The following LRCH2 variants were observed in gnomAD, a reference collection of about 807,000 sequenced individuals.
LRCH2 encodes the protein leucine-rich repeat and calponin homology domain-containing protein 2.
LRCH2 carries 38 observed loss-of-function variants against 68.9 expected under a neutral mutation model. That is an observed-to-expected ratio of 0.55 (90% confidence interval 0.43 to 0.72). The LOEUF is 0.72. Ranked by LOEUF, LRCH2 falls within the 30% of genes least tolerant of loss-of-function variation. The pLI is 0.00. For missense variants in LRCH2, 528 were observed against 572.9 expected (o/e 0.92, Z 0.80); for synonymous variants, 191 against 208.1 (o/e 0.92, Z 0.71).
rs2072476683 is a variant in LRCH2, at chrX:115,156,615, C to G, written c.1516G>C (p.Glu506Gln). 2 of 1,138,543 alleles carry G rather than the reference C, an allele frequency of 1.8e-6. No individual in the cohort carries two copies. Among genetic ancestry groups the G allele is most frequent in the South Asian group, 4.2e-5 (2 of 47,900 alleles). The allele number at this position is 1,138,543 out of a possible 1,213,427, so 93.8% of individuals were successfully genotyped here. Residue 506 changes from glutamate to glutamine, a missense_variant, in exon 12 of 21, where the codon GAA (glutamate) becomes CAA (glutamine). Transcript: ENST00000317135. ...VMRNKPKQTV[E>Q]CEKSVSADEV... ...ATATTTTTATACCTCTTTTCACATT[C>G]CACAGTTTGTTTTGGCTTGTTTCTC... is the stretch of plus-strand genomic sequence containing the variant.
At chrX:115,175,945 A>G (rs2072643290) in intron 5 of LRCH2, among the ~76,000 whole-genome samples, 1 of 111,946 alleles carries the variant, frequency 8.9e-6, no homozygotes, top group African/African-American at 3.3e-5. Context: ...GGTCAGTCAG[A>G]AGTATAGGTG....
intron 1 of LRCH2, among the ~76,000 whole-genome samples, chrX:115,206,914 T>C (rs1556568422): frequency 9.6e-6 from 1 of 104,667 alleles, no homozygotes; most frequent in African/African-American, 3.5e-5. Flanking sequence ...GAAAGAAAAA[T>C]GGGAAATAAC....
chrX:115,180,996 T>C (rs2072687258), intron 3 of LRCH2, among the ~76,000 whole-genome samples: 3 of 111,459 alleles, frequency 2.7e-5, no homozygotes, highest in African/African-American at 9.8e-5. Context: ...ATGGCTATGC[T>C]CGCAATAGTG....
At chrX:115,197,847 T>TCTCTCTCTCTCTCTCTCTCTCTCACACA (rs782358260) in intron 1 of LRCH2, among the ~76,000 whole-genome samples, 1 of 20,569 alleles carries the variant, frequency 4.9e-5, no homozygotes, top group African/African-American at 1.9e-4. Flanking sequence ...TCTCTCTCTC[T>TCTCTCTCTCTCTCTCTCTCTCTCACACA]CACACACACA....
At chrX:115,199,454 T>G (rs931961477) in intron 1 of LRCH2, among the ~76,000 whole-genome samples, 1 of 112,163 alleles carries the variant, frequency 8.9e-6, no homozygotes, top group African/African-American at 3.2e-5. Flanking sequence ...AGTAAAGGAA[T>G]AGAAAGACAG....
chrX:115,154,914 A>G (rs782752801), intron 12 of LRCH2, among the ~76,000 whole-genome samples: 1 of 108,316 alleles, frequency 9.2e-6, no homozygotes, highest in South Asian at 4.1e-4. Flanking sequence ...TAATCCCAGC[A>G]TTTTGGGAGG....
At chrX:115,219,195 C>T (rs924297310) in intron 1 of LRCH2, among the ~76,000 whole-genome samples, 1 of 111,513 alleles carries the variant, frequency 9.0e-6, no homozygotes, top group Admixed American at 9.5e-5. Context: ...CAAGTGCAGG[C>T]CACTGTACTA....
chrX:115,208,657 T>C (rs1170641148), intron 1 of LRCH2, among the ~76,000 whole-genome samples: 2 of 111,983 alleles, frequency 1.8e-5, no homozygotes, highest in Non-Finnish European at 3.8e-5. Flanking sequence ...CTGGCTACCA[T>C]TTCTGCCAAA....
chrX:115,191,467 T>C (rs2072818938), intron 1 of LRCH2: 2 of 1,143,652 alleles, frequency 1.7e-6, no homozygotes, highest in African/African-American at 3.8e-5. Flanking sequence ...CCGAGGCCGC[T>C]TGCTCGATGC....
intron 1 of LRCH2, among the ~76,000 whole-genome samples, chrX:115,209,431 C>T (rs2072991311): frequency 8.9e-6 from 1 of 112,131 alleles, no homozygotes; most frequent in Non-Finnish European, 1.9e-5. Flanking sequence ...CCTGCACAAG[C>T]TCTATTCTCT....
At chrX:115,222,047 G>C (rs782772134) in intron 1 of LRCH2, among the ~76,000 whole-genome samples, 1 of 111,452 alleles carries the variant, frequency 9.0e-6, no homozygotes, top group Non-Finnish European at 1.9e-5. Flanking sequence ...GAGGCAGTAT[G>C]AGACTAAACT....
chrX:115,135,619 G>C (rs1390440708), intron 14 of LRCH2, among the ~76,000 whole-genome samples: 2 of 112,039 alleles, frequency 1.8e-5, no homozygotes, highest in African/African-American at 6.5e-5. Context: ...ACCCTTATTT[G>C]ATAAAGCAGT....
At chrX:115,207,287 CCAA>C (rs1183825751) in intron 1 of LRCH2, among the ~76,000 whole-genome samples, 1 of 111,229 alleles carries the variant, frequency 9.0e-6, no homozygotes, top group Non-Finnish European at 1.9e-5. Context: ...GCCTGTAATC[CCAA>C]CACTTTGGGA....
intron 14 of LRCH2, among the ~76,000 whole-genome samples, chrX:115,132,208 G>C (rs782358190): frequency 8.9e-6 from 1 of 111,998 alleles, no homozygotes; most frequent in South Asian, 3.7e-4. Context: ...GGTTTTTACA[G>C]TTTTAGGTCT....
At chrX:115,213,198 T>C (rs1252469036) in intron 1 of LRCH2, among the ~76,000 whole-genome samples, 7 of 111,983 alleles carry the variant, frequency 6.3e-5, no homozygotes, top group Non-Finnish European at 1.1e-4. Context: ...GCAGTTAGTG[T>C]CTCACTTGTA....
chrX:115,155,186 A>G (rs2072465646), intron 12 of LRCH2, among the ~76,000 whole-genome samples: 1 of 110,529 alleles, frequency 9.0e-6, no homozygotes, highest in Non-Finnish European at 1.9e-5. Flanking sequence ...TCACTATAAT[A>G]TTAAGTGAAA....
At chrX:115,125,669 A>G (rs192492153) in intron 16 of LRCH2, among the ~76,000 whole-genome samples, 2 of 95,929 alleles carry the variant, frequency 2.1e-5, no homozygotes, top group African/African-American at 7.6e-5. Context: ...ATATATACGT[A>G]TATATATATC....
intron 11 of LRCH2, among the ~76,000 whole-genome samples, chrX:115,160,981 G>A (rs1030129152): frequency 1.2e-4 from 13 of 112,374 alleles, no homozygotes; most frequent in Non-Finnish European, 2.1e-4. Flanking sequence ...AAAATTCTGA[G>A]ATCCAGTTTA....
chrX:115,159,682 C>T (rs907716795), intron 11 of LRCH2, among the ~76,000 whole-genome samples: 1 of 104,484 alleles, frequency 9.6e-6, no homozygotes, highest in Non-Finnish European at 1.9e-5. Context: ...ACCCAGGAGG[C>T]GGAGCTTGCA....
Sources: allele counts gnomAD v4.1 joint callset (sites outside exome capture counted in the v4.1 genomes callset), GRCh38; gene constraint gnomAD v4.1.1; transcripts MANE v1.5; gene names NCBI Gene and HGNC (gene_info 2026-07-23, HGNC 2026-07-21).